STXBP5L: variants seen among roughly 807,000 people sequenced by gnomAD.
STXBP5L encodes syntaxin-binding protein 5-like.
A neutral mutation model predicts 144.5 loss-of-function variants in STXBP5L; 65 were observed. The observed-to-expected ratio is 0.45, with a 90% CI of 0.37 to 0.55. STXBP5L has a LOEUF of 0.55. Ranked by LOEUF, STXBP5L falls within the 20% of genes least tolerant of loss-of-function variation. The probability of loss-of-function intolerance (pLI) is 0.00; values close to 1 mark genes in which losing one functional copy is unlikely to be tolerated. For synonymous variants in STXBP5L, 505 were observed against 469.6 expected (o/e 1.08, Z -0.97); for missense variants, 1,298 against 1,405.5 (o/e 0.92, Z 1.22).
In STXBP5L at chr3:121,046,548, G is replaced by A. The variant is rs562233778; in HGVS notation, c.470+1013G>A. The stretch of plus-strand genomic sequence containing the variant: ...GATTTAATTTTGGAACTCTTTATTG[G>A]TCTGTCCAGGGATTCAATTTCTCCC... On this transcript the variant is annotated intron_variant, in intron 5 of 26. Transcript: ENST00000471454. Among the ~76,000 whole-genome samples the A allele has an allele frequency of 2.0e-5, 3 of 152,158 alleles. No homozygotes were observed. In the South Asian group the frequency reaches 6.2e-4, roughly 32 times the overall value.
chr3:121,042,674 C>T (rs1947243864), intron 4 of STXBP5L, among the ~76,000 whole-genome samples: 1 of 152,038 alleles, frequency 6.6e-6, no homozygotes, highest in Non-Finnish European at 1.5e-5. Flanking sequence ...GGTAAAATGT[C>T]TCATAGAACT....
In STXBP5L at chr3:121,087,186, G is replaced by C. The variant is rs897055109; in HGVS notation, c.471-27739G>C. Among the ~76,000 whole-genome samples, 4 of 152,164 alleles carry C rather than the reference G, an allele frequency of 2.6e-5. No homozygotes were observed. The South Asian group carries it at 8.3e-4, about 32-fold the overall frequency. ...GTTGTTGACAGATTATTCTGTAAAA[G>C]TTGATTAGATTCTATAGGGTTATGA... is the stretch of plus-strand genomic sequence containing the variant. On this transcript the variant is annotated intron_variant, in intron 5 of 26. Coordinates refer to ENST00000471454, the MANE Select transcript of STXBP5L (RefSeq NM_001308330.2).
At chr3:121,343,438 G>A (rs9713419) in intron 20 of STXBP5L, among the ~76,000 whole-genome samples, 48,669 of 151,870 alleles carry the variant, frequency 0.32, 8,356 homozygotes, top group East Asian at 0.71. Context: ...TATTCATTTC[G>A]GAAAAGAGGA....
chr3:121,354,716 G>C (rs1003289613), intron 20 of STXBP5L, among the ~76,000 whole-genome samples: 1 of 151,834 alleles, frequency 6.6e-6, no homozygotes, highest in Admixed American at 6.6e-5. Context: ...TGTTATGTGT[G>C]AATTTGATCC....
At chr3:121,413,869 A>C (rs888696861) in intron 24 of STXBP5L, among the ~76,000 whole-genome samples, 3 of 152,114 alleles carry the variant, frequency 2.0e-5, no homozygotes, top group Admixed American at 1.3e-4. Flanking sequence ...TAACTATTTA[A>C]CCCCCCTCAT....
intron 10 of STXBP5L, 54 bp downstream of exon 10, chr3:121,206,055 A>C: frequency 2.8e-6 from 3 of 1,068,020 alleles, no homozygotes; most frequent in East Asian, 5.6e-5. Context: ...CAAAAAATGC[A>C]GATGACCTTT....
intron 9 of STXBP5L, among the ~76,000 whole-genome samples, chr3:121,169,449 C>G (rs1468476416): frequency 6.6e-6 from 1 of 152,136 alleles, no homozygotes; most frequent in Non-Finnish European, 1.5e-5. Flanking sequence ...AAACCCATCT[C>G]AGGTGCTAAG....
chr3:121,375,619 G>A (rs1009066235), intron 20 of STXBP5L, among the ~76,000 whole-genome samples: 4 of 152,188 alleles, frequency 2.6e-5, no homozygotes, highest in African/African-American at 4.8e-5. Flanking sequence ...TGTGTACAAA[G>A]TGCCCAGCAT....
intron 3 of STXBP5L, among the ~76,000 whole-genome samples, chr3:120,973,844 T>G (rs1469195591): frequency 6.6e-6 from 1 of 152,120 alleles, no homozygotes; most frequent in African/African-American, 2.4e-5. Flanking sequence ...ATTTCCAATT[T>G]CATCCATTCC....
chr3:121,078,130 G>A (rs1396724405), intron 5 of STXBP5L, among the ~76,000 whole-genome samples: 6 of 150,336 alleles, frequency 4.0e-5, no homozygotes, highest in Non-Finnish European at 8.9e-5. Context: ...CACCAGAGGA[G>A]CTAGATACAG....
chr3:121,272,879 C>CA (rs1351883471), intron 18 of STXBP5L, among the ~76,000 whole-genome samples: 1 of 152,034 alleles, frequency 6.6e-6, no homozygotes, highest in Admixed American at 6.6e-5. Context: ...CAATTTCATT[C>CA]AAAATCTCTA....
intron 11 of STXBP5L, among the ~76,000 whole-genome samples, chr3:121,226,001 C>T (rs560917505): frequency 1.1e-4 from 16 of 152,242 alleles, no homozygotes; most frequent in East Asian, 9.7e-4. Flanking sequence ...GTAACTAGTA[C>T]ATACTGATAT....
At chr3:121,013,973 C>T (rs1051590496) in intron 3 of STXBP5L, among the ~76,000 whole-genome samples, 7 of 151,982 alleles carry the variant, frequency 4.6e-5, no homozygotes, top group Non-Finnish European at 8.8e-5. Context: ...TTTCTGGGCT[C>T]TCTCTTCTGT....
chr3:120,971,638 TAC>T (rs10576644), intron 3 of STXBP5L, among the ~76,000 whole-genome samples: 7,803 of 145,894 alleles, frequency 0.053, 518 homozygotes, highest in African/African-American at 0.16. Context: ...CATGCATACA[TAC>T]ACACACACAC....
intron 6 of STXBP5L, 45 bp from the exon 7 acceptor site, chr3:121,121,596 T>C: frequency 7.1e-7 from 1 of 1,405,370 alleles, no homozygotes; most frequent in Non-Finnish European, 1.0e-6. Flanking sequence ...TGGTAAGGTA[T>C]TTTAATGTTT....
rs891289159 is a variant in STXBP5L at position 121,125,858 on chromosome 3, A to T, written c.669+4154A>T. Among the ~76,000 whole-genome samples, 5 of 152,138 alleles carry T rather than the reference A, an allele frequency of 3.3e-5. No homozygotes were observed. In the East Asian group the frequency reaches 7.7e-4, roughly 23 times the overall value. On this transcript the variant is annotated intron_variant, in intron 7 of 26. Coordinates refer to ENST00000471454, the MANE Select transcript of STXBP5L (RefSeq NM_001308330.2). ...ACAATTCTGAAGAGAGGGGGTGTTAACCTCCCATGGAGAAAACCTTGACCA... is the reference window on the plus strand; with the variant it reads ...ACAATTCTGAAGAGAGGGGGTGTTATCCTCCCATGGAGAAAACCTTGACCA...
chr3:120,917,466 C>T (rs1197032975), intron 2 of STXBP5L, among the ~76,000 whole-genome samples: 1 of 152,038 alleles, frequency 6.6e-6, no homozygotes, highest in Admixed American at 6.6e-5. Flanking sequence ...TGCAATTAAT[C>T]CACAGAAAAG....
At chr3:121,363,779 A>G (rs903269427) in intron 20 of STXBP5L, among the ~76,000 whole-genome samples, 2 of 151,520 alleles carry the variant, frequency 1.3e-5, no homozygotes, top group African/African-American at 4.9e-5. Flanking sequence ...GATATTTGTT[A>G]GCTTGGTGTC....
intron 20 of STXBP5L, among the ~76,000 whole-genome samples, chr3:121,342,796 A>G (rs6783847): frequency 0.77 from 106,053 of 137,818 alleles, 40,956 homozygotes; most frequent in East Asian, 0.93. Flanking sequence ...GAATAGTGCC[A>G]CAATAAACAT....
Sources: gnomAD v4.1 joint callset for allele counts (sites outside exome capture counted in the v4.1 genomes callset) on GRCh38, gnomAD v4.1.1 for gene constraint, MANE v1.5 for transcripts, NCBI Gene and HGNC (gene_info 2026-07-23, HGNC 2026-07-21) for gene names.